The following PCDH15 variants were observed in gnomAD, a reference collection of about 807,000 sequenced individuals.
The protein encoded by PCDH15 is protocadherin related 15.
A neutral mutation model predicts 178.5 loss-of-function variants in PCDH15; 129 were observed. That is an observed-to-expected ratio of 0.72 (90% confidence interval 0.63 to 0.84). The LOEUF (loss-of-function observed/expected upper bound fraction) is 0.84, where lower values mean the gene tolerates loss of function less well. Among genes scored for constraint, PCDH15 ranks in the 40% least tolerant of loss-of-function variants. The probability of loss-of-function intolerance (pLI) is 0.00; values close to 1 mark genes in which losing one functional copy is unlikely to be tolerated. For missense variants in PCDH15, 2,230 were observed against 2,099.9 expected, an observed-to-expected ratio of 1.06 and a Z score of -1.21; for synonymous variants, 800 against 732.0, an observed-to-expected ratio of 1.09 and a Z score of -1.50.
intron 32 of PCDH15, among the ~76,000 whole-genome samples, chr10:53,824,206 T>C (rs1342387753): frequency 6.6e-6 from 1 of 152,006 alleles, no homozygotes; most frequent in East Asian, 1.9e-4. Context: ...AACTGAATCA[T>C]AGGTAGTTGT....
At position 54,954,270 on chromosome 10, in the gene PCDH15, G is replaced by A. The variant is rs142535878; in HGVS notation, c.-79-56770C>T. On this transcript the variant is annotated intron_variant, in intron 2 of 5. Coordinates refer to the PCDH15 transcript ENST00000458638. ...TTCACTCAGGCCTCTATTAAATTGC[G>A]CATAGAGTCTCATCTATCAGGAAAA... 1.4e-3 allele frequency among the ~76,000 whole-genome samples: 214 copies of A among 151,198 alleles called. 2 individuals are homozygous for A. The highest frequency in any genetic ancestry group is 4.9e-3 in the African/African-American group (202 of 41,434).
chr10:55,412,535 G>A (rs1487848198), intron 2 of PCDH15, among the ~76,000 whole-genome samples: 1 of 151,784 alleles, frequency 6.6e-6, no homozygotes, highest in East Asian at 1.9e-4. Context: ...AATTATGAAT[G>A]GCACAATAAA....
chr10:53,929,055 T>TA (rs1390663728), intron 25 of PCDH15, among the ~76,000 whole-genome samples: 6 of 152,072 alleles, frequency 3.9e-5, no homozygotes, highest in Non-Finnish European at 7.4e-5. Flanking sequence ...GAAATATATA[T>TA]TTTTTCTCAT....
intron 1 of PCDH15, among the ~76,000 whole-genome samples, chr10:55,237,978 G>A (rs1191359475): frequency 6.6e-6 from 1 of 151,804 alleles, no homozygotes; most frequent in Non-Finnish European, 1.5e-5. Context: ...ATACAAAAGA[G>A]ACCGTACAAA....
intron 8 of PCDH15, among the ~76,000 whole-genome samples, chr10:54,305,259 A>C (rs1280601429): frequency 6.6e-6 from 1 of 152,098 alleles, no homozygotes; most frequent in Admixed American, 6.6e-5. Flanking sequence ...ATGTAACATA[A>C]ATTTAGTTTT....
intron 1 of PCDH15, among the ~76,000 whole-genome samples, chr10:55,245,949 G>A (rs1328141209): frequency 6.6e-6 from 1 of 152,162 alleles, no homozygotes; most frequent in Admixed American, 6.5e-5. Context: ...CTGACTTAGG[G>A]CAGATGTGCA....
chr10:53,910,208 T>G (rs903078457), intron 25 of PCDH15, among the ~76,000 whole-genome samples: 2 of 152,154 alleles, frequency 1.3e-5, no homozygotes, highest in Non-Finnish European at 2.9e-5. Context: ...CCTCCTCAAG[T>G]GGGTCCCTAC....
chr10:54,184,132 A>G (rs184799158), intron 12 of PCDH15, among the ~76,000 whole-genome samples: 84 of 152,218 alleles, frequency 5.5e-4, no homozygotes, highest in African/African-American at 2.0e-3. Flanking sequence ...GTTATACTTT[A>G]TCAATGTTGA....
chr10:53,867,073 T>G (rs563065755), intron 26 of PCDH15, among the ~76,000 whole-genome samples: 1 of 152,102 alleles, frequency 6.6e-6, no homozygotes, highest in African/African-American at 2.4e-5. Context: ...TAATAACTGC[T>G]GAAGTATGAA....
chr10:55,303,222 A>C (rs1157301645), intron 1 of PCDH15, among the ~76,000 whole-genome samples: 1 of 152,140 alleles, frequency 6.6e-6, no homozygotes, highest in Non-Finnish European at 1.5e-5. Context: ...ACCTTCTTCT[A>C]ATCCATTCTG....
chr10:55,304,877 T>G (rs574526055), intron 1 of PCDH15, among the ~76,000 whole-genome samples: 1 of 152,330 alleles, frequency 6.6e-6, no homozygotes, highest in African/African-American at 2.4e-5. Context: ...ACTTGATAAT[T>G]AAAGAAAACT....
intron 1 of PCDH15, among the ~76,000 whole-genome samples, chr10:55,191,369 A>G (rs918301941): frequency 2.6e-5 from 4 of 151,814 alleles, no homozygotes; most frequent in East Asian, 1.9e-4. Context: ...CTAATCTGCT[A>G]CAATTACCAA....
At chr10:54,661,524 T>C (rs1353679430) in intron 2 of PCDH15, among the ~76,000 whole-genome samples, 1 of 151,602 alleles carries the variant, frequency 6.6e-6, no homozygotes, top group African/African-American at 2.4e-5. Context: ...AGTACCAAAT[T>C]TATTACTCAT....
chr10:55,274,335 ATTTG>A (rs1258620022), intron 1 of PCDH15, among the ~76,000 whole-genome samples: 2 of 151,936 alleles, frequency 1.3e-5, no homozygotes, highest in East Asian at 1.9e-4. Context: ...TTTTTTGTTT[ATTTG>A]TTTGTTTGTT....
chr10:54,342,319 C>A (rs540288328), intron 6 of PCDH15, among the ~76,000 whole-genome samples: 1 of 152,190 alleles, frequency 6.6e-6, no homozygotes, highest in Admixed American at 6.5e-5. Context: ...TATGTCCCTG[C>A]CACTCTAGCT....
chr10:54,550,648 A>T (rs1318402675), intron 2 of PCDH15, among the ~76,000 whole-genome samples: 1 of 152,166 alleles, frequency 6.6e-6, no homozygotes, highest in African/African-American at 2.4e-5. Context: ...TTCTACATCA[A>T]TTTTCTATGC....
chr10:55,546,987 G>A (rs916524387), intron 2 of PCDH15, among the ~76,000 whole-genome samples: 21 of 151,910 alleles, frequency 1.4e-4, no homozygotes, highest in Admixed American at 5.3e-4. Context: ...AAAAGAATCC[G>A]AAAGTAGTGT....
intron 2 of PCDH15, among the ~76,000 whole-genome samples, chr10:54,961,143 G>C (rs531701899): frequency 9.2e-5 from 14 of 152,368 alleles, no homozygotes; most frequent in African/African-American, 3.4e-4. Flanking sequence ...TGGAGGAGCA[G>C]ACAGGGGTGC....
At chr10:54,547,740 T>C (rs2133108626) in intron 2 of PCDH15, among the ~76,000 whole-genome samples, 1 of 152,298 alleles carries the variant, frequency 6.6e-6, no homozygotes, top group Non-Finnish European at 1.5e-5. Context: ...CAGATGCATA[T>C]TCTGGCATAT....
Sources: allele counts gnomAD v4.1 joint callset (sites outside exome capture counted in the v4.1 genomes callset), GRCh38; gene constraint gnomAD v4.1.1; transcripts MANE v1.5; gene names NCBI Gene and HGNC (gene_info 2026-07-23, HGNC 2026-07-21).